Variants in SP100 observed in about 807,000 individuals in gnomAD.
SP100 encodes SP100 nuclear body protein, also known as nuclear autoantigen Sp-100.
In SP100, 84 loss-of-function variants were observed where a neutral mutation model predicts 130.0. The observed-to-expected ratio is 0.65, with a 90% CI of 0.54 to 0.77. The LOEUF is 0.77. Among genes scored for constraint, SP100 ranks in the 30% least tolerant of loss-of-function variants. SP100 has a pLI of 0.00. For synonymous variants in SP100, 331 were observed against 351.7 expected (o/e 0.94, Z 0.66); for missense variants, 978 against 1,052.2 (o/e 0.93, Z 0.97).
At chr2:230,467,681 T>C (rs1193421308) in intron 13 of SP100, among the ~76,000 whole-genome samples, 3 of 152,024 alleles carry the variant, frequency 2.0e-5, no homozygotes, top group African/African-American at 7.3e-5. Context: ...ACAGGAAAGA[T>C]CTCTCCCCAT....
intron 4 of SP100, 106 bp downstream of exon 4, chr2:230,444,452 T>C (rs1204259156): frequency 3.4e-6 from 3 of 872,136 alleles, no homozygotes; most frequent in Non-Finnish European, 5.4e-6. Context: ...GCAGTGGGCA[T>C]AGAGTAGTTA....
intron 8 of SP100, among the ~76,000 whole-genome samples, chr2:230,455,624 A>G (rs1310040515): frequency 6.6e-6 from 1 of 152,208 alleles, no homozygotes; most frequent in Admixed American, 6.5e-5. Flanking sequence ...CACTTAATAT[A>G]ATTACTGATA....
chr2:230,450,222 G>C lies in SP100; in HGVS notation c.787G>C (p.Glu263Gln). The C allele has an allele frequency of 6.2e-7, 1 of 1,613,938 alleles. No homozygotes were observed. Among genetic ancestry groups the C allele is most frequent in the Non-Finnish European group, 8.5e-7 (1 of 1,179,864 alleles). ...AGTGAATAATGGGGATGCTGGAAGG[G>C]AGATGCCCTGCCCGTTGCCCTGTGA... ...VQVNNGDAGR[E>Q]MPCPLPCDEE... The change falls in exon 8 of 29, where the codon GAG (glutamate) becomes CAG (glutamine). Residue 263 changes from glutamate (E) to glutamine (Q), a missense_variant. Coordinates refer to ENST00000340126, the MANE Select transcript of SP100 (RefSeq NM_001080391.2).
At chr2:230,433,204 A>C (rs1339133876) in intron 2 of SP100, among the ~76,000 whole-genome samples, 2 of 152,142 alleles carry the variant, frequency 1.3e-5, no homozygotes, top group African/African-American at 4.8e-5. Flanking sequence ...GTCTAATTTC[A>C]TATTTTTGCA....
At chr2:230,422,695 G>A (rs2062803646) in intron 2 of SP100, among the ~76,000 whole-genome samples, 1 of 151,942 alleles carries the variant, frequency 6.6e-6, no homozygotes, top group Non-Finnish European at 1.5e-5. Flanking sequence ...TCTCTTATAG[G>A]TGGTTTCATG....
chr2:230,451,941 C>G (rs567407283), intron 8 of SP100, among the ~76,000 whole-genome samples: 12 of 152,150 alleles, frequency 7.9e-5, no homozygotes, highest in Non-Finnish European at 1.6e-4. Context: ...TGTTGAAAAT[C>G]AATTGACCAT....
chr2:230,417,305 C>T (rs1243791123), intron 1 of SP100, among the ~76,000 whole-genome samples: 2 of 152,066 alleles, frequency 1.3e-5, no homozygotes, highest in East Asian at 1.9e-4. Context: ...TAGTGGAAAA[C>T]TTAGAGATCT....
At chr2:230,447,796 A>G (rs1353532633) in intron 5 of SP100, among the ~76,000 whole-genome samples, 2 of 152,110 alleles carry the variant, frequency 1.3e-5, no homozygotes, top group Non-Finnish European at 2.9e-5. Context: ...TACAGCCTGG[A>G]TTGATTAAAT....
chr2:230,487,472 A>T (rs927176414), intron 17 of SP100, among the ~76,000 whole-genome samples: 1 of 152,216 alleles, frequency 6.6e-6, no homozygotes, highest in Non-Finnish European at 1.5e-5. Context: ...GTCAAAGATC[A>T]GATGGTTGCA....
chr2:230,476,947 G>T (rs866873236), intron 17 of SP100, among the ~76,000 whole-genome samples: 1 of 150,982 alleles, frequency 6.6e-6, no homozygotes, highest in African/African-American at 2.4e-5. Flanking sequence ...CTTACTGCAA[G>T]CTCTGCCTCC....
chr2:230,530,715 A>T (rs1691661669), intron 24 of SP100, among the ~76,000 whole-genome samples: 1 of 152,236 alleles, frequency 6.6e-6, no homozygotes, highest in South Asian at 2.1e-4. Context: ...TCTACTAAGA[A>T]CTTAACTTTA....
At chr2:230,484,753 C>T (rs1346812433) in intron 17 of SP100, among the ~76,000 whole-genome samples, 1 of 152,134 alleles carries the variant, frequency 6.6e-6, no homozygotes, top group Non-Finnish European at 1.5e-5. Context: ...TTGAAACTTA[C>T]TAAATTTTCC....
intron 2 of SP100, among the ~76,000 whole-genome samples, chr2:230,436,009 T>C (rs891615799): frequency 1.3e-5 from 2 of 152,036 alleles, no homozygotes; most frequent in South Asian, 4.2e-4. Flanking sequence ...CAGGAATATT[T>C]TATCCAGTTT....
In SP100 at chr2:230,449,707, A is replaced by T. The variant is rs770480016; in HGVS notation, c.733A>T (p.Thr245Ser). Residue 245 changes from threonine (T) to serine (S), a missense_variant, in exon 7 of 29, where the codon ACA becomes TCA. Coordinates refer to ENST00000340126, the MANE Select transcript of SP100 (RefSeq NM_001080391.2). ...NEQCAQKAEP[T>S]ESCEQIAVQV... Reference sequence around the variant, plus strand: ...ACAATGTGCTCAAAAGGCTGAGCCAACAGGTAAGACTGACTGGGTTGGCAT... The same window carrying T: ...ACAATGTGCTCAAAAGGCTGAGCCATCAGGTAAGACTGACTGGGTTGGCAT... 4 of 1,614,176 alleles carry T rather than the reference A, an allele frequency of 2.5e-6. No homozygotes were observed. The South Asian group carries it at 4.4e-5, about 18-fold the overall frequency.
intron 19 of SP100, among the ~76,000 whole-genome samples, chr2:230,501,885 T>C (rs1425049051): frequency 1.3e-5 from 2 of 152,186 alleles, no homozygotes; most frequent in Admixed American, 6.5e-5. Context: ...TGTTTCTTTT[T>C]TGAGATGGAG....
At position 230,504,277 on chromosome 2, in the gene SP100, G is replaced by A; in HGVS notation, c.1857G>A (p.Glu619=). The A allele has an allele frequency of 6.3e-7, 1 of 1,598,576 alleles. No individual in the cohort carries two copies. The highest frequency in any genetic ancestry group is 8.6e-7 in the Non-Finnish European group (1 of 1,167,172). The change falls in exon 21 of 29, where the codon GAG becomes GAA. Residue 619 remains glutamate (E), a synonymous_variant. Transcript: ENST00000340126. ...CGEVKGTLYK[E]RFKQGTSKKC... is the part of the protein sequence containing the mutation. ...AGGTGAAGGGCACTCTATATAAGGA[G>A]CGATTCAAACAAGGTGAGTTTACTG... is the stretch of plus-strand genomic sequence containing the variant.
At chr2:230,466,584 G>A (rs573957350) in intron 12 of SP100, among the ~76,000 whole-genome samples, 14 of 152,278 alleles carry the variant, frequency 9.2e-5, no homozygotes, top group African/African-American at 2.6e-4. Context: ...CAACACAACA[G>A]AAGGTTTTTT....
chr2:230,540,940 T>C lies in SP100; in HGVS notation c.2275T>C (p.Ser759Pro), dbSNP rs997622229. 1 of 1,613,724 alleles carries C rather than the reference T, an allele frequency of 6.2e-7. No individual in the cohort carries two copies. Among genetic ancestry groups the C allele is most frequent in the Non-Finnish European group, 8.5e-7 (1 of 1,179,728 alleles). ...TCAGGAAAGATGCCCAGAAAGCCAA[T>C]CAGGTCATCAGGAATCTGAAGTCCT... The part of the protein sequence containing the change: ...TIQERCPESQ[S>P]GHQESEVLMR... Residue 759 changes from serine (S) to proline (P), a missense_variant, in exon 26 of 29, where the codon TCA becomes CCA. Physicochemically the swap from Ser to Pro is moderately conservative, Grantham distance 74 (BLOSUM62 -1). Transcript: ENST00000340126.
chr2:230,464,085 C>G lies in SP100; in HGVS notation c.1076C>G (p.Pro359Arg), dbSNP rs2064807854. ...TGTGCAGTGATCAATAATGACAACCCTTTAGAATCAAATGATGAAAAGGAG... is the reference window on the plus strand; with the variant it reads ...TGTGCAGTGATCAATAATGACAACCGTTTAGAATCAAATGATGAAAAGGAG... The part of the protein sequence containing the change: ...RSEPVINNDN[P>R]LESNDEKEGQ... Residue 359 changes from proline to arginine, a missense_variant, in exon 11 of 29, where the codon CCT becomes CGT. Transcript: ENST00000340126. 6.2e-7 allele frequency: 1 copy of G among 1,612,284 alleles called. No homozygotes were observed. The highest frequency in any genetic ancestry group is 1.3e-5 in the African/African-American group (1 of 74,862).
Sources: gnomAD v4.1 joint callset for allele counts (sites outside exome capture counted in the v4.1 genomes callset) on GRCh38, gnomAD v4.1.1 for gene constraint, MANE v1.5 for transcripts, NCBI Gene and HGNC (gene_info 2026-07-23, HGNC 2026-07-21) for gene names.